The following TRIM5 variants were observed in gnomAD, a reference collection of about 807,000 sequenced individuals.
TRIM5 encodes the protein tripartite motif containing 5.
Under a neutral mutation model 35.6 loss-of-function variants are expected in TRIM5, and 31 were observed. That is an observed-to-expected ratio of 0.87 (90% CI 0.65 to 1.18). The LOEUF (loss-of-function observed/expected upper bound fraction) is 1.18, where lower values mean the gene tolerates loss of function less well. Ranked by LOEUF, TRIM5 falls within the 50% of genes most tolerant of loss-of-function variation. The probability of loss-of-function intolerance (pLI) is 0.00; values close to 1 mark genes in which losing one functional copy is unlikely to be tolerated. For missense variants in TRIM5, 609 were observed against 591.6 expected (o/e 1.03, Z -0.31); for synonymous variants, 243 against 215.6 (o/e 1.13, Z -1.11).
chr11:5,673,805 T>C, intron 4 of TRIM5, among the ~76,000 whole-genome samples: 1 of 152,108 alleles, frequency 6.6e-6, no homozygotes, highest in East Asian at 1.9e-4. Flanking sequence ...AAACACTACT[T>C]TTCTGAATAA....
downstream of TRIM5, among the ~76,000 whole-genome samples, chr11:5,659,676 C>T (rs1850747276): frequency 1.3e-5 from 2 of 151,782 alleles, no homozygotes; most frequent in Non-Finnish European, 2.9e-5. Flanking sequence ...GACCATAGAA[C>T]ATACTGAAAC....
chr11:5,634,530 C>CACACACACATATATAT, the TRIM5 span: 13 of 203,880 alleles, frequency 6.4e-5, no homozygotes, highest in African/African-American at 4.1e-4. Context: ...CACACACACA[C>CACACACACATATATAT]ATATATATAT....
downstream of TRIM5, among the ~76,000 whole-genome samples, chr11:5,660,618 T>C (rs555470892): frequency 2.6e-5 from 4 of 152,300 alleles, no homozygotes; most frequent in South Asian, 8.3e-4. Context: ...ATTGATTGAT[T>C]TTACGCTTTC....
the TRIM5 span, among the ~76,000 whole-genome samples, chr11:5,599,175 A>C: frequency 6.6e-6 from 1 of 152,168 alleles, no homozygotes; most frequent in Non-Finnish European, 1.5e-5. Context: ...GATACACCAC[A>C]GTTTGTTCAT....
the TRIM5 span, among the ~76,000 whole-genome samples, chr11:5,627,224 A>G: frequency 6.6e-6 from 1 of 151,510 alleles, no homozygotes; most frequent in Admixed American, 6.6e-5. Flanking sequence ...TACTAAAAAT[A>G]CAAAAATTAG....
the TRIM5 span, chr11:5,603,258 A>C: frequency 6.2e-7 from 1 of 1,613,688 alleles, no homozygotes; most frequent in Non-Finnish European, 8.5e-7. Flanking sequence ...TTCTACAGGC[A>C]GGAAACATCT....
the TRIM5 span, chr11:5,604,787 G>A: frequency 1.5e-6 from 1 of 669,284 alleles, no homozygotes; most frequent in East Asian, 2.9e-5. Context: ...CAAACAGGGG[G>A]AGGAGAGGAG....
the TRIM5 span, among the ~76,000 whole-genome samples, chr11:5,593,737 C>G: frequency 6.6e-6 from 1 of 152,164 alleles, no homozygotes; most frequent in Non-Finnish European, 1.5e-5. Flanking sequence ...AACAGGCTGG[C>G]TCTGTTGATA....
At chr11:5,603,458 G>A in the TRIM5 span, 1 of 1,614,114 alleles carries the variant, frequency 6.2e-7, no homozygotes. Context: ...TCAGTGATTG[G>A]TCAAGAAGGG....
At chr11:5,646,815 T>G in the TRIM5 span, among the ~76,000 whole-genome samples, 1 of 152,206 alleles carries the variant, frequency 6.6e-6, no homozygotes, top group Non-Finnish European at 1.5e-5. Flanking sequence ...CCTTACTCTC[T>G]GTATGACCAT....
chr11:5,605,396 C>T, the TRIM5 span: 2 of 1,614,134 alleles, frequency 1.2e-6, no homozygotes, highest in South Asian at 1.1e-5. Context: ...TGCGAAATAT[C>T]CTAGACAGAG....
At chr11:5,646,555 C>T in the TRIM5 span, among the ~76,000 whole-genome samples, 1 of 152,194 alleles carries the variant, frequency 6.6e-6, no homozygotes, top group African/African-American at 2.4e-5. Context: ...ACGCTTGAAG[C>T]ATTCCTCTTA....
chr11:5,634,520 CACACACACACATAT>C, the TRIM5 span: 1 of 636,296 alleles, frequency 1.6e-6, no homozygotes. Flanking sequence ...CACACACACA[CACACACACACATAT>C]ATATATATAT....
chr11:5,665,257 C>T lies in TRIM5; in HGVS notation c.1034G>A (p.Cys345Tyr), dbSNP rs556560739. The change falls in exon 8 of 8, where the codon TGT becomes TAT. Residue 345 changes from cysteine (C) to tyrosine (Y), a missense_variant. Physicochemically the swap from Cys to Tyr is radical, Grantham distance 194 (BLOSUM62 -2). Coordinates refer to ENST00000380034, the MANE Select transcript of TRIM5 (RefSeq NM_033034.3). ...RYQTFVNFNY[C>Y]TGILGSQSIT... Reference sequence around the variant, plus strand: ...ACTTTGAGAGCCCAGGATGCCAGTACAATAATTGAAATTCACAAATGTCTG... The same window carrying T: ...ACTTTGAGAGCCCAGGATGCCAGTATAATAATTGAAATTCACAAATGTCTG... The T allele has an allele frequency of 6.2e-7, 1 of 1,614,150 alleles. No homozygotes were observed. The highest frequency in any genetic ancestry group is 2.2e-5 in the East Asian group (1 of 44,886).
the TRIM5 span, among the ~76,000 whole-genome samples, chr11:5,648,739 C>T: frequency 6.6e-6 from 1 of 152,176 alleles, no homozygotes; most frequent in Non-Finnish European, 1.5e-5. Flanking sequence ...CTTTTGGTAT[C>T]TGCAGATGGG....
At chr11:5,621,932 G>C in the TRIM5 span, among the ~76,000 whole-genome samples, 1 of 152,090 alleles carries the variant, frequency 6.6e-6, no homozygotes, top group Non-Finnish European at 1.5e-5. Flanking sequence ...ATACAACCAA[G>C]TTGTGCTCTG....
chr11:5,625,675 G>A, the TRIM5 span, among the ~76,000 whole-genome samples: 6 of 151,412 alleles, frequency 4.0e-5, no homozygotes, highest in Admixed American at 2.0e-4. Flanking sequence ...TGTGACTGCC[G>A]CACACCGCTC....
chr11:5,662,032 T>A (rs994013998), downstream of TRIM5, among the ~76,000 whole-genome samples: 3 of 152,178 alleles, frequency 2.0e-5, no homozygotes, highest in Non-Finnish European at 4.4e-5. Flanking sequence ...AAAGCCTCAA[T>A]CTTCATAGCA....
At chr11:5,656,008 A>C in the TRIM5 span, among the ~76,000 whole-genome samples, 18 of 152,210 alleles carry the variant, frequency 1.2e-4, no homozygotes, top group Non-Finnish European at 2.5e-4. Context: ...TTAACTCAAG[A>C]TGGATTAAAG....
Sources: gnomAD v4.1 joint callset for allele counts (sites outside exome capture counted in the v4.1 genomes callset) on GRCh38, gnomAD v4.1.1 for gene constraint, MANE v1.5 for transcripts, NCBI Gene and HGNC (gene_info 2026-07-23, HGNC 2026-07-21) for gene names.